Variants in UBE2QL1 observed in about 807,000 individuals in gnomAD.
UBE2QL1 encodes ubiquitin-conjugating enzyme E2Q-like protein 1.
UBE2QL1 carries 5 observed loss-of-function variants against 12.6 expected under a neutral mutation model. That is an observed-to-expected ratio of 0.40 (90% CI 0.21 to 0.83). The LOEUF (loss-of-function observed/expected upper bound fraction) is 0.83, where lower values mean the gene tolerates loss of function less well. Ranked by LOEUF, UBE2QL1 falls within the 40% of genes least tolerant of loss-of-function variation. UBE2QL1 has a pLI of 0.37. For synonymous variants in UBE2QL1, 96 were observed against 94.5 expected (o/e 1.02, Z -0.10); for missense variants, 99 against 222.6 (o/e 0.44, Z 3.53).
Position 6,492,336 on chromosome 5 carries a change from G to A in UBE2QL1, c.*987G>A, listed in dbSNP as rs1353299730. The stretch of plus-strand genomic sequence containing the variant: ...TGATCATACGATGATTTGCATGATC[G>A]GGTCTATTTCACCCAATAGTCACTT... On this transcript the variant is annotated 3_prime_UTR_variant, in exon 2 of 2. Coordinates refer to ENST00000399816, the MANE Select transcript of UBE2QL1 (RefSeq NM_001145161.3). The A allele has an allele frequency of 2.6e-5, 4 of 152,182 alleles. No individual in the cohort carries two copies. Among genetic ancestry groups the A allele is most frequent in the African/African-American group, 2.4e-5 (1 of 41,450 alleles). 9.4% of individuals were successfully genotyped at this position (152,182 alleles called of 1,614,324 possible). A position where few individuals can be genotyped will look rare whatever the true frequency, so the allele number is the denominator to read the frequency against.
In UBE2QL1 at chr5:6,449,111, G is replaced by A. The variant is rs757490591; in HGVS notation, c.218G>A (p.Ser73Asn). Reference protein sequence around the residue: ...PFSPPFMRVLSPRLENGYVLD... With the variant: ...PFSPPFMRVLNPRLENGYVLD... ...TCGCCGCCCTTCATGCGGGTGCTCA[G>A]CCCGCGCCTGGAGAACGGCTACGTG... Residue 73 changes from serine (S) to asparagine (N), a missense_variant, in exon 1 of 2, where the codon AGC becomes AAC. Coordinates refer to ENST00000399816, the MANE Select transcript of UBE2QL1 (RefSeq NM_001145161.3). 1 of 1,547,420 alleles carries A rather than the reference G, an allele frequency of 6.5e-7. No individual in the cohort carries two copies. Among genetic ancestry groups the A allele is most frequent in the South Asian group, 1.2e-5 (1 of 83,162 alleles).
intron 1 of UBE2QL1, among the ~76,000 whole-genome samples, chr5:6,473,736 A>G (rs1320968234): frequency 6.6e-6 from 1 of 152,244 alleles, no homozygotes; most frequent in Non-Finnish European, 1.5e-5. Flanking sequence ...AGCCAGCACA[A>G]AACTTATTTT....
chr5:6,487,505 T>C (rs2126373039), intron 1 of UBE2QL1, among the ~76,000 whole-genome samples: 1 of 152,320 alleles, frequency 6.6e-6, no homozygotes, highest in South Asian at 2.1e-4. Flanking sequence ...CACAAAGCTG[T>C]TGTAGTGGAT....
At chr5:6,483,068 A>G (rs1734394514) in intron 1 of UBE2QL1, among the ~76,000 whole-genome samples, 2 of 152,180 alleles carry the variant, frequency 1.3e-5, no homozygotes, top group Non-Finnish European at 1.5e-5. Context: ...TCAGCACCCA[A>G]AGAAGAAAAG....
intron 1 of UBE2QL1, among the ~76,000 whole-genome samples, chr5:6,450,937 G>T (rs1739400222): frequency 6.6e-6 from 1 of 152,196 alleles, no homozygotes; most frequent in African/African-American, 2.4e-5. Flanking sequence ...AAGCATGGGG[G>T]GTAGGGGATC....
intron 1 of UBE2QL1, among the ~76,000 whole-genome samples, chr5:6,450,094 C>A (rs1407580054): frequency 1.3e-5 from 2 of 149,736 alleles, no homozygotes; most frequent in Non-Finnish European, 3.0e-5. Flanking sequence ...AGACCCCCCC[C>A]CCCCACGGCA....
chr5:6,452,638 A>G (rs1421637449), intron 1 of UBE2QL1, among the ~76,000 whole-genome samples: 1 of 152,218 alleles, frequency 6.6e-6, no homozygotes, highest in Non-Finnish European at 1.5e-5. Flanking sequence ...TTGGTTTTGA[A>G]ATGAAAGTAG....
chr5:6,466,169 G>C (rs1313835195), intron 1 of UBE2QL1, among the ~76,000 whole-genome samples: 1 of 152,298 alleles, frequency 6.6e-6, no homozygotes, highest in South Asian at 2.1e-4. Flanking sequence ...TCTTCACGGT[G>C]GAACTAGCCA....
intron 1 of UBE2QL1, among the ~76,000 whole-genome samples, chr5:6,465,987 C>T (rs1050569692): frequency 1.4e-4 from 22 of 152,058 alleles, no homozygotes; most frequent in African/African-American, 5.3e-4. Context: ...GGGCCCCAGG[C>T]GACCTCCCTC....
At chr5:6,454,360 CTG>C (rs745654468) in intron 1 of UBE2QL1, among the ~76,000 whole-genome samples, 2 of 152,144 alleles carry the variant, frequency 1.3e-5, no homozygotes, top group Non-Finnish European at 2.9e-5. Context: ...CTGTGTGTGT[CTG>C]TGTCCTAATC....
In UBE2QL1 at chr5:6,449,259, G is replaced by A; in HGVS notation, c.354+12G>A. 1.5e-6 allele frequency: 2 copies of A among 1,372,834 alleles called. No individual in the cohort carries two copies. The highest frequency in any genetic ancestry group is 1.7e-5 in the South Asian group (1 of 59,054). 85.0% of individuals were successfully genotyped at this position (1,372,834 alleles called of 1,614,324 possible). On this transcript the variant is annotated intron_variant, in intron 1 of 1. Coordinates refer to ENST00000399816, the MANE Select transcript of UBE2QL1 (RefSeq NM_001145161.3). ...TGGTCAAGGGCCAGGTAAGGCGAGC[G>A]CGCCGGGGCTGGGGGCGCGGGGCCG... is the stretch of plus-strand genomic sequence containing the variant.
chr5:6,453,008 C>T (rs1739440710), intron 1 of UBE2QL1, among the ~76,000 whole-genome samples: 1 of 152,248 alleles, frequency 6.6e-6, no homozygotes, highest in Admixed American at 6.5e-5. Flanking sequence ...ATTCCTCACT[C>T]CTCTCCTGGC....
At chr5:6,455,881 C>T (rs1739509908) in intron 1 of UBE2QL1, among the ~76,000 whole-genome samples, 1 of 152,182 alleles carries the variant, frequency 6.6e-6, no homozygotes, top group African/African-American at 2.4e-5. Context: ...GCCTTCAAAG[C>T]CCGACTTCTG....
chr5:6,492,428 T>A lies in UBE2QL1; in HGVS notation c.*1079T>A, dbSNP rs919176929. ...GGTGTAAACTTCCTGTTATTTAATC[T>A]CCCCCACGGTTTCATTTTTCTCTTC... is the stretch of plus-strand genomic sequence containing the variant. On this transcript the variant is annotated 3_prime_UTR_variant, in exon 2 of 2. Coordinates refer to ENST00000399816, the MANE Select transcript of UBE2QL1 (RefSeq NM_001145161.3). 9 of 151,964 alleles carry A rather than the reference T, an allele frequency of 5.9e-5. No homozygotes were observed. Among genetic ancestry groups the A allele is most frequent in the Non-Finnish European group, 1.0e-4 (7 of 68,008 alleles). The allele number at this position is 151,964 out of a possible 1,614,324, so 9.4% of individuals were successfully genotyped here. A position where few individuals can be genotyped will look rare whatever the true frequency, so the allele number is the denominator to read the frequency against.
chr5:6,460,552 C>T (rs969179943), intron 1 of UBE2QL1, among the ~76,000 whole-genome samples: 5 of 152,178 alleles, frequency 3.3e-5, no homozygotes, highest in Admixed American at 6.5e-5. Flanking sequence ...CTGCTGTGGA[C>T]GCTTGCTGTT....
At chr5:6,458,114 C>T (rs1174930003) in intron 1 of UBE2QL1, among the ~76,000 whole-genome samples, 1 of 151,764 alleles carries the variant, frequency 6.6e-6, no homozygotes, top group African/African-American at 2.4e-5. Context: ...CTGAAAATAA[C>T]TCAAGAAAGA....
At chr5:6,465,227 T>A (rs1453323030) in intron 1 of UBE2QL1, among the ~76,000 whole-genome samples, 2 of 152,172 alleles carry the variant, frequency 1.3e-5, no homozygotes, top group Non-Finnish European at 2.9e-5. Flanking sequence ...CCTCAGGTGA[T>A]CTACCATCCT....
intron 1 of UBE2QL1, among the ~76,000 whole-genome samples, chr5:6,460,279 T>C (rs753109244): frequency 2.7e-4 from 41 of 152,248 alleles, no homozygotes; most frequent in Non-Finnish European, 3.2e-4. Flanking sequence ...AAGGAAATGA[T>C]GACACGTGTT....
Position 6,481,302 on chromosome 5 carries a change from C to G in UBE2QL1, c.355-9916C>G, listed in dbSNP as rs918169088. On this transcript the variant is annotated intron_variant, in intron 1 of 1. Transcript: ENST00000399816. This position sits in a 1 kb window ranked among gnomAD's most constrained non-coding sequence, Gnocchi z 4.5. Reference sequence around the variant, plus strand: ...TCTCTCTGCAGGCCTGGCCCCGGGTCACTTGGCATGGTGGCCCACCACCTC... The same window carrying G: ...TCTCTCTGCAGGCCTGGCCCCGGGTGACTTGGCATGGTGGCCCACCACCTC... Among the ~76,000 whole-genome samples, 2 of 152,210 alleles carry G rather than the reference C, an allele frequency of 1.3e-5. No individual in the cohort carries two copies. The highest frequency in any genetic ancestry group is 4.8e-5 in the African/African-American group (2 of 41,450).
Sources: gnomAD v4.1 joint callset for allele counts (sites outside exome capture counted in the v4.1 genomes callset) on GRCh38, gnomAD v4.1.1 for gene constraint, Gnocchi (gnomAD v3.1) non-coding constraint, MANE v1.5 for transcripts, NCBI Gene and HGNC (gene_info 2026-07-23, HGNC 2026-07-21) for gene names.